Variants in VPS53 observed in about 807,000 individuals in gnomAD.
The protein encoded by VPS53 is vacuolar protein sorting-associated protein 53 homolog.
A neutral mutation model predicts 107.0 loss-of-function variants in VPS53; 70 were observed. The ratio of observed to expected loss-of-function variants is 0.65; its 90% CI spans 0.54 to 0.80. VPS53 has a LOEUF of 0.80. Among genes scored for constraint, VPS53 ranks in the 30% least tolerant of loss-of-function variants. The probability of loss-of-function intolerance (pLI) is 0.00; values close to 1 mark genes in which losing one functional copy is unlikely to be tolerated. For missense variants in VPS53, 917 were observed against 1,049.4 expected (o/e 0.87, Z 1.74); for synonymous variants, 409 against 393.3 (o/e 1.04, Z -0.47).
At chr17:709,024 A>C (rs903697492) in intron 2 of VPS53, among the ~76,000 whole-genome samples, 10 of 152,118 alleles carry the variant, frequency 6.6e-5, no homozygotes, top group African/African-American at 2.4e-4. Flanking sequence ...CTCTGTCTAG[A>C]ATACTGTTCT....
intron 17 of VPS53, among the ~76,000 whole-genome samples, chr17:543,818 AGGGAGGGAGGGAGGG>A (rs1910904773): frequency 7.4e-5 from 2 of 27,108 alleles, no homozygotes; most frequent in South Asian, 2.6e-3. Flanking sequence ...GAAGGAAGGG[AGGGAGGGAGGGAGGG>A]AGGGAGGGAG....
At chr17:688,731 C>T (rs1972677617) in intron 4 of VPS53, among the ~76,000 whole-genome samples, 1 of 152,266 alleles carries the variant, frequency 6.6e-6, no homozygotes, top group East Asian at 1.9e-4. Flanking sequence ...CAACCTTGAC[C>T]TCTGCACTAG....
At chr17:682,448 G>C (rs1332767845) in intron 4 of VPS53, among the ~76,000 whole-genome samples, 1 of 152,158 alleles carries the variant, frequency 6.6e-6, no homozygotes, top group African/African-American at 2.4e-5. Flanking sequence ...GCTCCCCCAG[G>C]AAAGACAGGA....
intron 11 of VPS53, among the ~76,000 whole-genome samples, chr17:618,646 G>A (rs1374045104): frequency 6.6e-6 from 1 of 150,416 alleles, no homozygotes; most frequent in Non-Finnish European, 1.5e-5. Context: ...GACTACAGGT[G>A]CCCACGACAC....
At chr17:600,560 G>A (rs187646539) in intron 12 of VPS53, among the ~76,000 whole-genome samples, 441 of 152,228 alleles carry the variant, frequency 2.9e-3, no homozygotes, top group Admixed American at 9.8e-3. Flanking sequence ...ATACATCTCC[G>A]GGATGGAGCC....
chr17:562,865 C>T, intron 13 of VPS53, 120 bp from the exon 14 acceptor site: 1 of 1,171,370 alleles, frequency 8.5e-7, no homozygotes, highest in Non-Finnish European at 1.2e-6. Context: ...GCATTTAAAA[C>T]TTAAAATCGG....
intron 7 of VPS53, among the ~76,000 whole-genome samples, chr17:642,454 C>G (rs1316283012): frequency 6.9e-6 from 1 of 144,690 alleles, no homozygotes; most frequent in African/African-American, 2.6e-5. Flanking sequence ...TACTTGGCAA[C>G]TGAGGACAAC....
chr17:688,735 G>T (rs530414834), intron 4 of VPS53, among the ~76,000 whole-genome samples: 1 of 152,278 alleles, frequency 6.6e-6, no homozygotes, highest in African/African-American at 2.4e-5. Flanking sequence ...CTTGACCTCT[G>T]CACTAGACGT....
rs186671561 is a variant in VPS53, at chr17:512,722, C to T, written c.*6406G>A. On this transcript the variant is annotated 3_prime_UTR_variant, in exon 22 of 22. Coordinates refer to ENST00000437048, the MANE Select transcript of VPS53 (RefSeq NM_001128159.3). Reference sequence around the variant, plus strand: ...CCTGTTGAAAGGACACAGGACTTCCCGAAGAGTTTTCATGGCAAAAACGTC... The same window carrying T: ...CCTGTTGAAAGGACACAGGACTTCCTGAAGAGTTTTCATGGCAAAAACGTC... 9.2e-5 allele frequency: 14 copies of T among 152,232 alleles called. No individual in the cohort carries two copies. Among genetic ancestry groups the T allele is most frequent in the Admixed American group, 7.2e-4 (11 of 15,292 alleles). The allele number at this position is 152,232 out of a possible 1,614,324, so 9.4% of individuals were successfully genotyped here.
intron 1 of VPS53, among the ~76,000 whole-genome samples, chr17:713,072 G>A (rs1234581372): frequency 6.6e-6 from 1 of 152,086 alleles, no homozygotes; most frequent in Non-Finnish European, 1.5e-5. Context: ...GTCAATGAAT[G>A]CACCTGTAGT....
At chr17:533,105 C>G (rs1909729118) in intron 18 of VPS53, 194 bp from the exon 19 acceptor site, 5 of 981,916 alleles carry the variant, frequency 5.1e-6, no homozygotes, top group South Asian at 3.6e-5. Flanking sequence ...GAGGCCCTGG[C>G]AGGCCCGGGA....
At chr17:692,491 C>T (rs532231586) in intron 4 of VPS53, among the ~76,000 whole-genome samples, 5 of 152,282 alleles carry the variant, frequency 3.3e-5, no homozygotes, top group African/African-American at 1.2e-4. Context: ...AAAGACTCTG[C>T]AAACGTTTAG....
At chr17:698,852 T>C (rs1477757584) in intron 3 of VPS53, among the ~76,000 whole-genome samples, 2 of 152,170 alleles carry the variant, frequency 1.3e-5, no homozygotes, top group Non-Finnish European at 2.9e-5. Context: ...TTGAGTTCCT[T>C]GCCACAAAGT....
intron 13 of VPS53, among the ~76,000 whole-genome samples, chr17:566,402 T>G (rs1953907215): frequency 6.6e-6 from 1 of 152,156 alleles, no homozygotes; most frequent in South Asian, 2.1e-4. Context: ...ATCATCTGTT[T>G]CGTGCCTGTT....
rs1055870805 is a variant in VPS53 at position 511,057 on chromosome 17, T to G, written c.*8071A>C. On this transcript the variant is annotated 3_prime_UTR_variant, in exon 22 of 22. Transcript: ENST00000437048. The stretch of plus-strand genomic sequence containing the variant: ...GATATTGGGTGTAGGTATGAGGCTG[T>G]GGGGGACTCTGTGTAAACAGATGTT... 1 of 152,344 alleles carries G rather than the reference T, an allele frequency of 6.6e-6. No individual in the cohort carries two copies. Among genetic ancestry groups the G allele is most frequent in the African/African-American group, 2.4e-5 (1 of 41,438 alleles). 9.4% of individuals were successfully genotyped at this position (152,344 alleles called of 1,614,324 possible).
At chr17:634,041 G>A (rs893830395) in intron 7 of VPS53, among the ~76,000 whole-genome samples, 17 of 152,328 alleles carry the variant, frequency 1.1e-4, no homozygotes, top group Admixed American at 7.8e-4. Flanking sequence ...TCTCCTCACA[G>A]GGGAAGTCCA....
chr17:675,327 G>A (rs1972107927), intron 4 of VPS53: 1 of 152,198 alleles, frequency 6.6e-6, no homozygotes, highest in South Asian at 2.1e-4. Context: ...GGAAGTAGGA[G>A]AGGGCTGTCT....
intron 3 of VPS53, among the ~76,000 whole-genome samples, chr17:698,636 G>A (rs993417911): frequency 6.6e-6 from 1 of 151,602 alleles, no homozygotes; most frequent in African/African-American, 2.4e-5. Flanking sequence ...CCAGGAGTTC[G>A]AGGCTGCAGT....
At chr17:606,151 C>T (rs190790109) in intron 11 of VPS53, among the ~76,000 whole-genome samples, 1 of 152,160 alleles carries the variant, frequency 6.6e-6, no homozygotes, top group East Asian at 1.9e-4. Flanking sequence ...AGTTAGGAGG[C>T]AGAGCCAGGA....
Sources: gnomAD v4.1 joint callset for allele counts (sites outside exome capture counted in the v4.1 genomes callset) on GRCh38, gnomAD v4.1.1 for gene constraint, MANE v1.5 for transcripts, NCBI Gene and HGNC (gene_info 2026-07-23, HGNC 2026-07-21) for gene names.